Variants in PRPF39 observed in about 807,000 individuals in gnomAD.
PRPF39 encodes the protein pre-mRNA processing factor 39.
A neutral mutation model predicts 82.1 loss-of-function variants in PRPF39; 27 were observed. The observed-to-expected ratio is 0.33, with a 90% CI of 0.24 to 0.45. The LOEUF is 0.45. Ranked by LOEUF, PRPF39 falls within the 20% of genes least tolerant of loss-of-function variation. The pLI is 1.00. For synonymous variants in PRPF39, 261 were observed against 256.4 expected (o/e 1.02, Z -0.17); for missense variants, 581 against 796.9 (o/e 0.73, Z 3.26).
intron 1 of PRPF39, among the ~76,000 whole-genome samples, chr14:45,092,698 C>CA (rs1334327907): frequency 6.7e-6 from 1 of 148,836 alleles, no homozygotes; most frequent in African/African-American, 2.5e-5. Flanking sequence ...TACCCACAAA[C>CA]AAGTTTCTGT....
chr14:45,086,390 A>G (rs1002179820), intron 1 of PRPF39, among the ~76,000 whole-genome samples: 2 of 152,350 alleles, frequency 1.3e-5, no homozygotes, highest in Non-Finnish European at 2.9e-5. Flanking sequence ...TATTTTTTAT[A>G]TATTGCCTAT....
At position 45,115,673 on chromosome 14, in the gene PRPF39, T is replaced by A. The variant is rs1274187371; in HGVS notation, c.*760T>A. The A allele has an allele frequency of 6.6e-6, 1 of 152,642 alleles. No homozygotes were observed. Among genetic ancestry groups the A allele is most frequent in the Non-Finnish European group, 1.5e-5 (1 of 68,142 alleles). The allele number at this position is 152,642 out of a possible 1,614,324, so 9.5% of individuals were successfully genotyped here. On this transcript the variant is annotated 3_prime_UTR_variant, in exon 14 of 14. Transcript: ENST00000355765. ...TATGTTCACCTTTATTAGTGGCTCA[T>A]TGGTTTTGAAGTACACCTTTTCTAA...
chr14:45,103,118 C>A (rs1218653329), intron 5 of PRPF39, among the ~76,000 whole-genome samples: 2 of 152,214 alleles, frequency 1.3e-5, no homozygotes, highest in Non-Finnish European at 2.9e-5. Flanking sequence ...ATTGCTATAA[C>A]ACCTTATATC....
chr14:45,111,650 T>C (rs1313778223), intron 10 of PRPF39, among the ~76,000 whole-genome samples: 2 of 142,410 alleles, frequency 1.4e-5, no homozygotes, highest in African/African-American at 5.2e-5. Context: ...TTTTTTTTTT[T>C]TTTTTTTTGA....
At chr14:45,109,987 A>G in intron 8 of PRPF39, 107 bp from the exon 9 acceptor site, 2 of 1,576,870 alleles carry the variant, frequency 1.3e-6, no homozygotes, top group South Asian at 2.4e-5. Flanking sequence ...CTAGTGGTTC[A>G]ATAAAGGTGC....
At position 45,107,445 on chromosome 14, in the gene PRPF39, CTTTAGA is replaced by C. The variant is rs1566697410; in HGVS notation, c.738-1_742del. 6.7e-7 allele frequency: 1 copy of C among 1,499,978 alleles called. No homozygotes were observed. Among genetic ancestry groups the C allele is most frequent in the Non-Finnish European group, 9.1e-7 (1 of 1,102,288 alleles). The allele number at this position is 1,499,978 out of a possible 1,614,324, so 92.9% of individuals were successfully genotyped here. On this transcript the variant is annotated splice_acceptor_variant and splice_polypyrimidine_tract_variant and coding_sequence_variant and intron_variant, in exon 6 of 14. Transcript: ENST00000355765. LOFTEE classifies it high-confidence loss of function. ...AAATACATATATTTTTATTGTCTTC[CTTTAGA>C]TTTAAAGAACATGTACAGAATAATT...
chr14:45,085,666 G>A (rs1883800961), intron 1 of PRPF39, among the ~76,000 whole-genome samples: 1 of 152,140 alleles, frequency 6.6e-6, no homozygotes, highest in Non-Finnish European at 1.5e-5. Context: ...AATATGTAGA[G>A]ACTTTAAAAA....
chr14:45,114,590 A>G lies in PRPF39; in HGVS notation c.1929A>G (p.Val643=). Residue 643 remains valine, a synonymous_variant, in exon 13 of 14, where the codon GTA becomes GTG. Transcript: ENST00000355765. Reference sequence around the variant, plus strand: ...GTGATTTACAGGCAAACCAAGCTGTATATAATTATAGTGCGTGGTATCAAG... The same window carrying G: ...GTGATTTACAGGCAAACCAAGCTGTGTATAATTATAGTGCGTGGTATCAAG... ...IDGDLQANQA[V]YNYSAWYQYN... The G allele has an allele frequency of 1.9e-6, 3 of 1,610,216 alleles. No homozygotes were observed. The highest frequency in any genetic ancestry group is 2.5e-6 in the Non-Finnish European group (3 of 1,178,538).
chr14:45,111,959 A>G (rs1884711068), intron 10 of PRPF39, among the ~76,000 whole-genome samples: 1 of 152,060 alleles, frequency 6.6e-6, no homozygotes. Context: ...CTATAGTTGT[A>G]GTAAAGATTT....
chr14:45,097,889 C>T (rs1310496152), intron 4 of PRPF39, among the ~76,000 whole-genome samples: 1 of 152,130 alleles, frequency 6.6e-6, no homozygotes, highest in East Asian at 1.9e-4. Flanking sequence ...GTACCACCTC[C>T]ACCTCCCTTC....
At chr14:45,112,226 T>A in intron 10 of PRPF39, 92 bp from the exon 11 acceptor site, 1 of 1,100,458 alleles carries the variant, frequency 9.1e-7, no homozygotes. Flanking sequence ...CAATATTTTT[T>A]CAAATTGAGA....
chr14:45,098,025 C>T (rs765373361), intron 4 of PRPF39, among the ~76,000 whole-genome samples: 1 of 152,098 alleles, frequency 6.6e-6, no homozygotes, highest in African/African-American at 2.4e-5. Context: ...GAATTTTAAC[C>T]CACTTACACT....
intron 6 of PRPF39, 130 bp from the exon 7 acceptor site, chr14:45,108,285 C>T: frequency 2.8e-6 from 3 of 1,072,080 alleles, no homozygotes; most frequent in Non-Finnish European, 2.5e-6. Flanking sequence ...ACATAATTGC[C>T]AACAGTTAAA....
chr14:45,108,336 A>G, intron 6 of PRPF39, 79 bp from the exon 7 acceptor site: 1 of 1,393,170 alleles, frequency 7.2e-7, no homozygotes, highest in Non-Finnish European at 9.4e-7. Context: ...TGTGAATAAT[A>G]CTTAAATATA....
At chr14:45,099,163 C>A (rs1220579925) in intron 4 of PRPF39, among the ~76,000 whole-genome samples, 1 of 152,030 alleles carries the variant, frequency 6.6e-6, no homozygotes, top group Non-Finnish European at 1.5e-5. Context: ...TGTGGATTTT[C>A]TTTTTCTTAT....
At position 45,106,365 on chromosome 14, in the gene PRPF39, A is replaced by ATT. The variant is rs1051819397; in HGVS notation, c.738-1086_738-1085insTT. 4.6e-5 allele frequency among the ~76,000 whole-genome samples: 7 copies of ATT among 152,212 alleles called. No homozygotes were observed. In the South Asian group the frequency reaches 6.2e-4, roughly 14 times the overall value. ...CTCCATCTCACACAAGAAAATAAAGAAAGAAATACTGAGGGTATTCATTTT... is the reference window on the plus strand; with the variant it reads ...CTCCATCTCACACAAGAAAATAAAGATTAAGAAATACTGAGGGTATTCATTTT... On this transcript the variant is annotated intron_variant, in intron 5 of 13. Transcript: ENST00000355765.
At chr14:45,097,296 T>G (rs1350337215) in intron 4 of PRPF39, among the ~76,000 whole-genome samples, 9 of 152,132 alleles carry the variant, frequency 5.9e-5, no homozygotes, top group Non-Finnish European at 1.5e-5. Context: ...CATACTGCTC[T>G]TTGACTTTTT....
chr14:45,090,351 T>C (rs1883980598), intron 1 of PRPF39, among the ~76,000 whole-genome samples: 1 of 152,236 alleles, frequency 6.6e-6, no homozygotes, highest in East Asian at 1.9e-4. Context: ...CTTTGGACTC[T>C]CTTTTATTAT....
At chr14:45,111,663 CAG>C (rs1263342022) in intron 10 of PRPF39, among the ~76,000 whole-genome samples, 1 of 75,498 alleles carries the variant, frequency 1.3e-5, no homozygotes, top group Non-Finnish European at 2.3e-5. Flanking sequence ...TTTTTTGAGA[CAG>C]AGTTTCATTG....
Sources: allele counts gnomAD v4.1 joint callset (sites outside exome capture counted in the v4.1 genomes callset), GRCh38; gene constraint gnomAD v4.1.1; transcripts MANE v1.5; gene names NCBI Gene and HGNC (gene_info 2026-07-23, HGNC 2026-07-21).